ST8SIA1: variants seen among roughly 807,000 people sequenced by gnomAD.
ST8SIA1 encodes ST8 alpha-N-acetyl-neuraminide alpha-2,8-sialyltransferase 1.
In ST8SIA1, 16 loss-of-function variants were observed where a neutral mutation model predicts 35.9. The observed-to-expected ratio is 0.45, with a 90% CI of 0.30 to 0.68. The LOEUF (loss-of-function observed/expected upper bound fraction) is 0.68. Ranked by LOEUF, ST8SIA1 falls within the 30% of genes least tolerant of loss-of-function variation. The pLI, the probability that ST8SIA1 is intolerant of heterozygous loss-of-function variation, is 0.09. For missense variants in ST8SIA1, 383 were observed against 453.6 expected (o/e 0.84, Z 1.41); for synonymous variants, 170 against 169.6 (o/e 1.00, Z -0.02).
At chr12:22,305,537 T>C (rs1422598283) in intron 1 of ST8SIA1, among the ~76,000 whole-genome samples, 3 of 152,036 alleles carry the variant, frequency 2.0e-5, no homozygotes, top group Non-Finnish European at 4.4e-5. Flanking sequence ...CCCACTACTA[T>C]GCCCAGATAA....
rs1406521321 is a variant in ST8SIA1 at position 22,198,991 on chromosome 12, C to G, written c.*2561G>C. ...CCCAGCTGAGAAGAGCTGGTCTAATCAAACATCACCAGCACTGGCCATTTC... is the reference window on the plus strand; with the variant it reads ...CCCAGCTGAGAAGAGCTGGTCTAATGAAACATCACCAGCACTGGCCATTTC... On this transcript the variant is annotated 3_prime_UTR_variant, in exon 5 of 5. Coordinates refer to ENST00000396037, the MANE Select transcript of ST8SIA1 (RefSeq NM_003034.4). 1.3e-5 allele frequency: 2 copies of G among 152,120 alleles called. No individual in the cohort carries two copies. Among genetic ancestry groups the G allele is most frequent in the Non-Finnish European group, 2.9e-5 (2 of 68,018 alleles). The allele number at this position is 152,120 out of a possible 1,614,324, so 9.4% of individuals were successfully genotyped here.
At chr12:22,308,060 GGA>G (rs1866406302) in intron 1 of ST8SIA1, among the ~76,000 whole-genome samples, 1 of 152,092 alleles carries the variant, frequency 6.6e-6, no homozygotes, top group Non-Finnish European at 1.5e-5. Flanking sequence ...TGAGTAACTG[GGA>G]CTACAGGCAT....
chr12:22,230,373 A>G (rs562093484), intron 4 of ST8SIA1, among the ~76,000 whole-genome samples: 3 of 152,282 alleles, frequency 2.0e-5, no homozygotes, highest in African/African-American at 7.2e-5. Flanking sequence ...GCTCTGTAAT[A>G]CAAAAGAGTA....
At chr12:22,217,277 G>T (rs1261856215) in intron 4 of ST8SIA1, among the ~76,000 whole-genome samples, 1 of 151,998 alleles carries the variant, frequency 6.6e-6, no homozygotes, top group African/African-American at 2.4e-5. Context: ...TGAAATTAAG[G>T]CCATACTAAA....
At chr12:22,262,224 C>A (rs2135800911) in intron 2 of ST8SIA1, among the ~76,000 whole-genome samples, 1 of 152,298 alleles carries the variant, frequency 6.6e-6, no homozygotes, top group South Asian at 2.1e-4. Context: ...GACAAAATGA[C>A]TTATGGAAAA....
intron 1 of ST8SIA1, 22 bp downstream of exon 1, chr12:22,333,975 G>A (rs1401194646): frequency 3.7e-6 from 6 of 1,607,676 alleles, no homozygotes; most frequent in Non-Finnish European, 5.1e-6. Flanking sequence ...CTAGAGGGGA[G>A]GAGCCGCGAG....
intron 2 of ST8SIA1, among the ~76,000 whole-genome samples, chr12:22,260,547 G>A (rs1865777690): frequency 6.6e-6 from 1 of 152,012 alleles, no homozygotes; most frequent in Non-Finnish European, 1.5e-5. Flanking sequence ...TCTGTTAATG[G>A]CCATCTTATT....
At chr12:22,213,398 T>C (rs1194359089) in intron 4 of ST8SIA1, among the ~76,000 whole-genome samples, 1 of 152,206 alleles carries the variant, frequency 6.6e-6, no homozygotes, top group Non-Finnish European at 1.5e-5. Context: ...GACTTACAAA[T>C]GCAAGCTTTT....
At chr12:22,285,663 G>A (rs757290328) in intron 2 of ST8SIA1, among the ~76,000 whole-genome samples, 3 of 152,166 alleles carry the variant, frequency 2.0e-5, no homozygotes, top group East Asian at 1.9e-4. Flanking sequence ...CTTGAGGTCC[G>A]GAGTTCGAGA....
intron 1 of ST8SIA1, among the ~76,000 whole-genome samples, chr12:22,308,269 T>C (rs1226474655): frequency 2.6e-5 from 4 of 152,226 alleles, no homozygotes; most frequent in Non-Finnish European, 1.5e-5. Context: ...AAGTTATAGA[T>C]GCTTGTTATA....
chr12:22,217,533 C>T (rs1865247555), intron 4 of ST8SIA1, among the ~76,000 whole-genome samples: 1 of 152,126 alleles, frequency 6.6e-6, no homozygotes, highest in Admixed American at 6.5e-5. Context: ...GCCTGTATGT[C>T]CCGCCTTTTC....
Position 22,317,768 on chromosome 12 carries a change from G to A in ST8SIA1, c.236+16229C>T, listed in dbSNP as rs1257705648. On this transcript the variant is annotated intron_variant, in intron 1 of 4. Coordinates refer to ENST00000396037, the MANE Select transcript of ST8SIA1 (RefSeq NM_003034.4). The stretch of plus-strand genomic sequence containing the variant: ...CTATTCTAGTAGTGAGTCACTAAAC[G>A]CAGCCTCCACTCGGAGACAGATGAC... Among the ~76,000 whole-genome samples the A allele has an allele frequency of 5.3e-5, 8 of 152,108 alleles. No homozygotes were observed. In the South Asian group the frequency reaches 6.2e-4, roughly 12 times the overall value.
At chr12:22,273,212 G>T (rs1865931982) in intron 2 of ST8SIA1, among the ~76,000 whole-genome samples, 1 of 152,174 alleles carries the variant, frequency 6.6e-6, no homozygotes, top group Non-Finnish European at 1.5e-5. Context: ...CCTCGGACTG[G>T]ATTGAGACCC....
intron 4 of ST8SIA1, among the ~76,000 whole-genome samples, chr12:22,213,915 T>C (rs1384807828): frequency 6.6e-6 from 1 of 152,226 alleles, no homozygotes; most frequent in East Asian, 1.9e-4. Flanking sequence ...ATGTCTACAC[T>C]GTGCCAGTTG....
intron 2 of ST8SIA1, among the ~76,000 whole-genome samples, chr12:22,261,668 A>G (rs1389915460): frequency 6.6e-6 from 1 of 152,166 alleles, no homozygotes; most frequent in South Asian, 2.1e-4. Context: ...ATTGTAATGA[A>G]TATATAAATT....
At chr12:22,204,537 G>T (rs530331044) in intron 4 of ST8SIA1, among the ~76,000 whole-genome samples, 46 of 152,052 alleles carry the variant, frequency 3.0e-4, no homozygotes, top group Non-Finnish European at 5.1e-4. Flanking sequence ...GGGCCCTGCT[G>T]GCTGATGGAA....
At chr12:22,268,626 G>T (rs1278118891) in intron 2 of ST8SIA1, 1 of 152,156 alleles carries the variant, frequency 6.6e-6, no homozygotes, top group East Asian at 1.9e-4. Context: ...TGAGGGGAGG[G>T]GGGGAAGCCC....
chr12:22,262,766 C>A (rs1344707965), intron 2 of ST8SIA1, among the ~76,000 whole-genome samples: 1 of 152,144 alleles, frequency 6.6e-6, no homozygotes, highest in Non-Finnish European at 1.5e-5. Context: ...GTTACAAGAG[C>A]CTTTGTGAGA....
rs1866300824 is a variant in ST8SIA1 at position 22,300,127 on chromosome 12, T to C, written c.237-12834A>G. Among the ~76,000 whole-genome samples, 4 of 152,148 alleles carry C rather than the reference T, an allele frequency of 2.6e-5. 1 individual carries two copies. In the South Asian group the frequency reaches 8.3e-4, roughly 31 times the overall value. ...ACATCTGTGTATCTTTATGTGCTTT[T>C]AAAGTCCTCGTGAAATTGAGTTACA... On this transcript the variant is annotated intron_variant, in intron 1 of 4. Coordinates refer to ENST00000396037, the MANE Select transcript of ST8SIA1 (RefSeq NM_003034.4).
Sources: gnomAD v4.1 joint callset for allele counts (sites outside exome capture counted in the v4.1 genomes callset) on GRCh38, gnomAD v4.1.1 for gene constraint, MANE v1.5 for transcripts, NCBI Gene and HGNC (gene_info 2026-07-23, HGNC 2026-07-21) for gene names.